PCLO: variants seen among roughly 807,000 people sequenced by gnomAD.
PCLO encodes the protein piccolo presynaptic cytomatrix protein, also known as protein piccolo.
In PCLO, 82 loss-of-function variants were observed where a neutral mutation model predicts 427.5. The ratio of observed to expected loss-of-function variants is 0.19; its 90% CI spans 0.16 to 0.23. PCLO has a LOEUF of 0.23. Ranked by LOEUF, PCLO falls within the 10% of genes least tolerant of loss-of-function variation. PCLO has a pLI of 1.00. For missense variants in PCLO, 6,239 were observed against 6,115.9 expected (o/e 1.02, Z -0.67); for synonymous variants, 2,357 against 2,155.4 (o/e 1.09, Z -2.59).
chr7:83,090,780 A>C (rs1044143047), intron 3 of PCLO, among the ~76,000 whole-genome samples: 6 of 152,162 alleles, frequency 3.9e-5, no homozygotes, highest in African/African-American at 1.4e-4. Flanking sequence ...GAACTAAAAC[A>C]GTATATTTTC....
At chr7:82,767,086 T>C (rs905388087) in intron 22 of PCLO, among the ~76,000 whole-genome samples, 1 of 152,100 alleles carries the variant, frequency 6.6e-6, no homozygotes, top group African/African-American at 2.4e-5. Flanking sequence ...TGTTTGCAGG[T>C]TGGGCAGCAG....
intron 2 of PCLO, 55 bp downstream of exon 2, chr7:83,154,693 G>T: frequency 8.1e-7 from 1 of 1,240,438 alleles, no homozygotes; most frequent in Non-Finnish European, 1.2e-6. Flanking sequence ...AGCATCATTT[G>T]TATAAGAGGA....
At chr7:82,776,214 A>C (rs1790745672) in intron 22 of PCLO, among the ~76,000 whole-genome samples, 1 of 152,222 alleles carries the variant, frequency 6.6e-6, no homozygotes, top group South Asian at 2.1e-4. Context: ...ACTACGTTAA[A>C]TATTACTAGA....
rs17156716 is a variant in PCLO, at chr7:82,816,702, A to T, written c.14791+5793T>A. Among the ~76,000 whole-genome samples the T allele has an allele frequency of 9.8e-3, 1,490 of 152,202 alleles. 49 individuals are homozygous for T. The highest frequency in any genetic ancestry group is 0.075 in the East Asian group (389 of 5,182). On this transcript the variant is annotated intron_variant, in intron 20 of 24. Coordinates refer to ENST00000333891, the MANE Select transcript of PCLO (RefSeq NM_033026.6). Reference sequence around the variant, plus strand: ...CTAGACCATATGACTAAGGCATAACAATTTTGAAGCCAAGTTTGGTGTTTA... The same window carrying T: ...CTAGACCATATGACTAAGGCATAACTATTTTGAAGCCAAGTTTGGTGTTTA...
rs544349987 is a variant in PCLO, at chr7:82,992,512, A to G, written c.3301-26025T>C. ...AAGCCTGGGTACCTTATAAGACTTC[A>G]ATAAAAATTGATGCCTCATAGTTCA... On this transcript the variant is annotated intron_variant, in intron 3 of 24. Transcript: ENST00000333891. Among the ~76,000 whole-genome samples, 7 of 152,256 alleles carry G rather than the reference A, an allele frequency of 4.6e-5. No individual in the cohort carries two copies. In the South Asian group the frequency reaches 1.4e-3, roughly 31 times the overall value.
chr7:83,145,061 T>G (rs1387842971), intron 2 of PCLO, among the ~76,000 whole-genome samples: 2 of 152,202 alleles, frequency 1.3e-5, no homozygotes. Context: ...CTCATCTATA[T>G]GTACTTTTTC....
chr7:83,038,176 T>C (rs1788878901), intron 3 of PCLO, among the ~76,000 whole-genome samples: 2 of 135,490 alleles, frequency 1.5e-5, no homozygotes, highest in South Asian at 4.6e-4. Context: ...TATACACACA[T>C]ACATATAACA....
In PCLO at chr7:83,156,244, T is replaced by C. The variant is rs764012264; in HGVS notation, c.397A>G (p.Ile133Val). The change falls in exon 2 of 25, where the codon ATT becomes GTT. Residue 133 changes from isoleucine (I) to valine (V), a missense_variant. Physicochemically the swap from Ile to Val is conservative, Grantham distance 29. Coordinates refer to ENST00000333891, the MANE Select transcript of PCLO (RefSeq NM_033026.6). ...QKLPGRSPST[I>V]SLKESKSRTD... ...CTGGACTTTGATTCTTTCAAGCTAATAGTGGAAGGACTCCTCCCAGGCAAT... is the reference window on the plus strand; with the variant it reads ...CTGGACTTTGATTCTTTCAAGCTAACAGTGGAAGGACTCCTCCCAGGCAAT... 4 of 1,613,848 alleles carry C rather than the reference T, an allele frequency of 2.5e-6. No homozygotes were observed. Among genetic ancestry groups the C allele is most frequent in the South Asian group, 1.1e-5 (1 of 91,074 alleles).
chr7:82,999,688 A>G (rs1787751297), intron 3 of PCLO, among the ~76,000 whole-genome samples: 1 of 21,158 alleles, frequency 4.7e-5, no homozygotes, highest in African/African-American at 7.4e-4. Flanking sequence ...TATATATAAA[A>G]TAATATATAA....
chr7:83,089,996 T>C (rs916190439), intron 3 of PCLO, among the ~76,000 whole-genome samples: 1 of 152,154 alleles, frequency 6.6e-6, no homozygotes, highest in African/African-American at 2.4e-5. Context: ...AACAATTTTA[T>C]CTCTTACTAA....
intron 3 of PCLO, among the ~76,000 whole-genome samples, chr7:82,983,735 C>T (rs550457025): frequency 3.0e-4 from 46 of 151,592 alleles, no homozygotes; most frequent in African/African-American, 1.1e-3. Context: ...AAGAAGAAAA[C>T]GGTATTTCTA....
intron 2 of PCLO, among the ~76,000 whole-genome samples, chr7:83,140,308 GT>G (rs1426458536): frequency 6.6e-6 from 1 of 152,074 alleles, no homozygotes; most frequent in African/African-American, 2.4e-5. Flanking sequence ...AAAGTAACCT[GT>G]TTAATACAAC....
intron 10 of PCLO, among the ~76,000 whole-genome samples, chr7:82,848,578 T>C (rs1329659625): frequency 6.6e-6 from 1 of 152,098 alleles, no homozygotes; most frequent in African/African-American, 2.4e-5. Context: ...CCCAAAGTGC[T>C]GGGATTATAG....
chr7:82,875,946 T>G (rs554656930), intron 10 of PCLO, among the ~76,000 whole-genome samples: 1 of 152,142 alleles, frequency 6.6e-6, no homozygotes, highest in African/African-American at 2.4e-5. Flanking sequence ...AAGAGTACAC[T>G]CTAAGAATTC....
intron 7 of PCLO, 108 bp from the exon 8 acceptor site, chr7:82,909,121 A>G: frequency 2.9e-6 from 3 of 1,029,066 alleles, no homozygotes; most frequent in East Asian, 2.6e-5. Flanking sequence ...TTAACCATAC[A>G]TGCATTTCAA....
At chr7:83,097,934 A>T (rs1271754902) in intron 3 of PCLO, among the ~76,000 whole-genome samples, 1 of 152,140 alleles carries the variant, frequency 6.6e-6, no homozygotes, top group African/African-American at 2.4e-5. Flanking sequence ...TTTTATGATT[A>T]TATTTTTCAT....
At chr7:82,871,322 G>A (rs1315758377) in intron 10 of PCLO, among the ~76,000 whole-genome samples, 1 of 151,862 alleles carries the variant, frequency 6.6e-6, no homozygotes, top group Non-Finnish European at 1.5e-5. Context: ...TGGAACTGGA[G>A]GACATTATGT....
intron 3 of PCLO, among the ~76,000 whole-genome samples, chr7:83,068,693 G>C (rs925199419): frequency 3.9e-5 from 6 of 152,170 alleles, no homozygotes; most frequent in African/African-American, 1.2e-4. Context: ...AATTAGTACA[G>C]CTATTATGGA....
chr7:83,088,790 CT>C (rs541157048), intron 3 of PCLO, among the ~76,000 whole-genome samples: 15 of 152,202 alleles, frequency 9.9e-5, no homozygotes, highest in Non-Finnish European at 1.5e-4. Context: ...TTGTGATGTC[CT>C]TACCACAGAG....
Sources: gnomAD v4.1 joint callset for allele counts (sites outside exome capture counted in the v4.1 genomes callset) on GRCh38, gnomAD v4.1.1 for gene constraint, MANE v1.5 for transcripts, NCBI Gene and HGNC (gene_info 2026-07-23, HGNC 2026-07-21) for gene names.